Variants in SV2C observed in about 807,000 individuals in gnomAD.
The protein encoded by SV2C is synaptic vesicle glycoprotein 2C, also known as solute carrier family 22 member B3.
A neutral mutation model predicts 79.7 loss-of-function variants in SV2C; 49 were observed. That is an observed-to-expected ratio of 0.61 (90% confidence interval 0.49 to 0.78). The LOEUF is 0.78. Among genes scored for constraint, SV2C ranks in the 30% least tolerant of loss-of-function variants. SV2C has a pLI of 0.00. For missense variants in SV2C, 833 were observed against 912.9 expected (o/e 0.91, Z 1.13); for synonymous variants, 334 against 333.2 (o/e 1.00, Z -0.03).
chr5:75,924,914 G>A, the SV2C span, among the ~76,000 whole-genome samples: 1 of 152,040 alleles, frequency 6.6e-6, no homozygotes, highest in Non-Finnish European at 1.5e-5. Context: ...ATGTTTTGAA[G>A]AATATTAAAT....
At chr5:76,204,472 T>C (rs1329145167) in intron 3 of SV2C, among the ~76,000 whole-genome samples, 1 of 152,196 alleles carries the variant, frequency 6.6e-6, no homozygotes, top group South Asian at 2.1e-4. Flanking sequence ...TCCTTAATTA[T>C]GTTCTTGCAG....
intron 4 of SV2C, among the ~76,000 whole-genome samples, chr5:76,225,654 A>T (rs532217573): frequency 1.1e-4 from 16 of 152,280 alleles, no homozygotes; most frequent in African/African-American, 3.6e-4. Flanking sequence ...TAAGCCATTT[A>T]TGTATTCCGT....
chr5:76,128,583 A>G (rs1272043651), intron 1 of SV2C, among the ~76,000 whole-genome samples: 1 of 152,196 alleles, frequency 6.6e-6, no homozygotes, highest in African/African-American at 2.4e-5. Context: ...CTTTGGGCTA[A>G]TCTCTCTAAG....
chr5:75,911,256 T>A, the SV2C span: 4 of 1,491,304 alleles, frequency 2.7e-6, no homozygotes, highest in Non-Finnish European at 3.7e-6. Context: ...AGGAGGAAGT[T>A]CTCCCTAGCT....
At position 76,186,690 on chromosome 5, in the gene SV2C, T is replaced by TCAAA. The variant is rs58706451; in HGVS notation, c.581-8216_581-8213dup. 1.8e-4 allele frequency among the ~76,000 whole-genome samples: 27 copies of TCAAA among 151,858 alleles called. No individual in the cohort carries two copies. The Middle Eastern group carries it at 0.01, about 57-fold the overall frequency. On this transcript the variant is annotated intron_variant, in intron 2 of 12. Transcript: ENST00000502798. ...CTGGGCAACAAAGTGAGACCTTATC[T>TCAAA]CAAACAAACAAACAAAGACATTTAA...
the SV2C span, among the ~76,000 whole-genome samples, chr5:75,972,761 C>T: frequency 1.3e-5 from 2 of 152,200 alleles, no homozygotes; most frequent in South Asian, 2.1e-4. Context: ...TTGTGGAAGT[C>T]CGTGTGGCAA....
the SV2C span, among the ~76,000 whole-genome samples, chr5:75,891,009 T>C: frequency 1.3e-5 from 2 of 152,098 alleles, no homozygotes; most frequent in Non-Finnish European, 2.9e-5. Flanking sequence ...GGGAGGCTGA[T>C]GGTAGATATC....
the SV2C span, among the ~76,000 whole-genome samples, chr5:76,056,898 T>A: frequency 6.6e-6 from 1 of 152,056 alleles, no homozygotes; most frequent in Admixed American, 6.6e-5. Context: ...TCTTCTCTCT[T>A]TATTAGTCTA....
the SV2C span, among the ~76,000 whole-genome samples, chr5:75,941,711 G>A: frequency 6.6e-6 from 1 of 152,158 alleles, no homozygotes; most frequent in Non-Finnish European, 1.5e-5. Context: ...AGGCCTCAGA[G>A]GCAGGCCTCA....
chr5:76,078,828 CA>C, upstream of SV2C: 1 of 586,470 alleles, frequency 1.7e-6, no homozygotes, highest in Non-Finnish European at 3.4e-6. Flanking sequence ...GACAGAAACA[CA>C]AAAACAGCAT....
intron 1 of SV2C, among the ~76,000 whole-genome samples, chr5:76,106,708 T>A (rs1747928941): frequency 6.6e-6 from 1 of 152,182 alleles, no homozygotes; most frequent in Non-Finnish European, 1.5e-5. Context: ...TCTTTCCTTC[T>A]TTAAGTCATT....
the SV2C span, among the ~76,000 whole-genome samples, chr5:76,014,967 C>T: frequency 1.3e-5 from 2 of 152,088 alleles, no homozygotes; most frequent in Admixed American, 1.3e-4. Flanking sequence ...CCATTCTTTG[C>T]TCTTGGACAC....
At chr5:76,230,210 G>T (rs1745371152) in intron 4 of SV2C, among the ~76,000 whole-genome samples, 1 of 152,202 alleles carries the variant, frequency 6.6e-6, no homozygotes, top group Admixed American at 6.5e-5. Flanking sequence ...AATTTATCTT[G>T]CAAGGATTTA....
chr5:75,954,916 CA>C, the SV2C span, among the ~76,000 whole-genome samples: 9 of 147,148 alleles, frequency 6.1e-5, no homozygotes, highest in South Asian at 1.9e-3. Context: ...AATGGAAGAA[CA>C]TTCCATGCTC....
At chr5:76,065,352 C>A in the SV2C span, among the ~76,000 whole-genome samples, 2 of 152,002 alleles carry the variant, frequency 1.3e-5, no homozygotes, top group African/African-American at 2.4e-5. Flanking sequence ...ACCTCGAGGC[C>A]AGAAGTCTAA....
At chr5:76,157,188 A>G (rs1742756314) in intron 2 of SV2C, among the ~76,000 whole-genome samples, 1 of 152,108 alleles carries the variant, frequency 6.6e-6, no homozygotes. Context: ...ATGACTTACT[A>G]CTTATAAGGG....
At chr5:75,867,274 G>A in the SV2C span, among the ~76,000 whole-genome samples, 272 of 152,272 alleles carry the variant, frequency 1.8e-3, 2 homozygotes, top group African/African-American at 6.0e-3. Flanking sequence ...AGAGGGCATG[G>A]TGGGATGTGT....
chr5:76,088,269 T>A (rs1376716091), intron 1 of SV2C, among the ~76,000 whole-genome samples: 1 of 152,260 alleles, frequency 6.6e-6, no homozygotes, highest in African/African-American at 2.4e-5. Flanking sequence ...TCAGTTAAAT[T>A]TGAATTTAGA....
chr5:76,000,999 G>C, the SV2C span, among the ~76,000 whole-genome samples: 1 of 144,538 alleles, frequency 6.9e-6, no homozygotes. Flanking sequence ...GTACCACTCG[G>C]TACAATTAAA....
Sources: gnomAD v4.1 joint callset for allele counts (sites outside exome capture counted in the v4.1 genomes callset) on GRCh38, gnomAD v4.1.1 for gene constraint, MANE v1.5 for transcripts, NCBI Gene and HGNC (gene_info 2026-07-23, HGNC 2026-07-21) for gene names.